Variants in ZNF451 observed in about 807,000 individuals in gnomAD.
ZNF451 encodes the protein zinc finger protein 451, also known as E3 SUMO-protein ligase ZNF451.
In ZNF451, 80 loss-of-function variants were observed where a neutral mutation model predicts 107.1. The observed-to-expected ratio is 0.75, with a 90% confidence interval of 0.62 to 0.90. The LOEUF (loss-of-function observed/expected upper bound fraction) is 0.90, where lower values mean the gene tolerates loss of function less well. ZNF451 is among the 40% of genes least tolerant of loss of function. The pLI, the probability that ZNF451 is intolerant of heterozygous loss-of-function variation, is 0.00. For missense variants in ZNF451, 1,107 were observed against 1,236.2 expected, an observed-to-expected ratio of 0.90 and a Z score of 1.57; for synonymous variants, 362 against 406.5, an observed-to-expected ratio of 0.89 and a Z score of 1.32.
chr6:57,116,063 C>T (rs1351492645), intron 3 of ZNF451: 1 of 152,100 alleles, frequency 6.6e-6, no homozygotes, highest in Non-Finnish European at 1.5e-5. Flanking sequence ...GGTCCAAAGA[C>T]CTAAGTGATA....
At chr6:57,133,969 C>G (rs1449479799) in intron 6 of ZNF451, among the ~76,000 whole-genome samples, 1 of 152,216 alleles carries the variant, frequency 6.6e-6, no homozygotes, top group East Asian at 1.9e-4. Flanking sequence ...AGCCACCGCG[C>G]TCGGCCAGTT....
intron 6 of ZNF451, 147 bp downstream of exon 6, chr6:57,133,339 AT>A: frequency 1.2e-6 from 1 of 847,500 alleles, no homozygotes. Context: ...TTATGATATA[AT>A]TTTTTCATAA....
intron 7 of ZNF451, among the ~76,000 whole-genome samples, chr6:57,136,896 C>G (rs112738778): frequency 9.9e-5 from 15 of 152,218 alleles, no homozygotes; most frequent in Non-Finnish European, 2.1e-4. Context: ...GATTTATGAC[C>G]TTCAGCGTTC....
chr6:57,108,320 GC>G, intron 3 of ZNF451: 1 of 985,340 alleles, frequency 1.0e-6, no homozygotes, highest in Non-Finnish European at 1.2e-6. Flanking sequence ...ACTGTTAAGG[GC>G]TACAGTTAGA....
At chr6:57,091,521 C>T (rs1829044568) in intron 2 of ZNF451, 3 of 151,694 alleles carry the variant, frequency 2.0e-5, no homozygotes, top group Admixed American at 2.0e-4. Flanking sequence ...CAGGCGGGGG[C>T]CTAGGAATCT....
At chr6:57,104,157 T>C (rs1829736847) in intron 3 of ZNF451, 2 of 985,240 alleles carry the variant, frequency 2.0e-6, no homozygotes, top group Non-Finnish European at 2.4e-6. Context: ...CAGTGTTCTC[T>C]ACAAAGTGTC....
In ZNF451 at chr6:57,168,775, C is replaced by G. The variant is rs1764013892; in HGVS notation, c.*306C>G. ...TTTAAAGGATTAAAAAAAAGGAAAG[C>G]TCTTGACAGTTGTTTCCCAAATAGC... On this transcript the variant is annotated 3_prime_UTR_variant, in exon 15 of 15. Transcript: ENST00000370706. 4.0e-6 allele frequency: 1 copy of G among 251,544 alleles called. No individual in the cohort carries two copies. Among genetic ancestry groups the G allele is most frequent in the East Asian group, 1.0e-4 (1 of 9,622 alleles). 15.6% of individuals were successfully genotyped at this position (251,544 alleles called of 1,614,324 possible).
intron 3 of ZNF451, chr6:57,105,832 T>C: frequency 1.0e-6 from 1 of 985,268 alleles, no homozygotes; most frequent in Non-Finnish European, 1.2e-6. Context: ...TGCTGACACT[T>C]TTATCTTTTT....
rs547169069 is a variant in ZNF451, at chr6:57,148,675, C to A, written c.2590C>A (p.Leu864Ile). 3.7e-6 allele frequency: 6 copies of A among 1,609,834 alleles called. No individual in the cohort carries two copies. The South Asian group carries it at 4.4e-5, about 12-fold the overall frequency. The change falls in exon 10 of 15, where the codon CTA (leucine) becomes ATA (isoleucine). Residue 864 changes from leucine (L) to isoleucine (I), a missense_variant. Around this residue, in one of 5 missense-constraint regions of ZNF451, gnomAD observed 608 missense variants for 649.2 expected, o/e 0.94. Coordinates refer to ENST00000370706, the MANE Select transcript of ZNF451 (RefSeq NM_001031623.3). ...CATGGAGAAAGGAGTTGAGAATGAC[C>A]TAAGCTATCAGAATATAGGTATGGC... The part of the protein sequence containing the change: ...LDMEKGVEND[L>I]SYQNIEEEIV...
intron 7 of ZNF451, among the ~76,000 whole-genome samples, chr6:57,135,530 A>G (rs1415307757): frequency 6.6e-6 from 1 of 152,124 alleles, no homozygotes; most frequent in Non-Finnish European, 1.5e-5. Context: ...ATTTTGATAT[A>G]TGTGTTTTTA....
chr6:57,143,538 T>C (rs1253083592), intron 9 of ZNF451, among the ~76,000 whole-genome samples: 4 of 152,224 alleles, frequency 2.6e-5, no homozygotes, highest in African/African-American at 4.8e-5. Flanking sequence ...TTGTTTTCAA[T>C]ATAAACATTT....
rs1391699495 is a variant in ZNF451, at chr6:57,107,829, T to C, written c.186+8688T>C. 18 of 980,066 alleles carry C rather than the reference T, an allele frequency of 1.8e-5. No homozygotes were observed. In the Admixed American group the frequency reaches 1.1e-3, roughly 61 times the overall value. The allele number at this position is 980,066 out of a possible 1,614,324, so 60.7% of individuals were successfully genotyped here. A position where few individuals can be genotyped will look rare whatever the true frequency, so the allele number is the denominator to read the frequency against. On this transcript the variant is annotated intron_variant, in intron 3 of 14. Transcript: ENST00000370706. ...TGGTAACGTGAAAGTAAATAGTTTATATTTGATGATTTTTTTTTTTTTTTT... is the reference window on the plus strand; with the variant it reads ...TGGTAACGTGAAAGTAAATAGTTTACATTTGATGATTTTTTTTTTTTTTTT...
chr6:57,118,724 A>T (rs907306818), intron 3 of ZNF451, among the ~76,000 whole-genome samples: 39 of 151,872 alleles, frequency 2.6e-4, no homozygotes, highest in African/African-American at 8.5e-4. Flanking sequence ...GCTCAAGTGA[A>T]CCTCCTGCCT....
chr6:57,153,247 G>C (rs368446801), intron 12 of ZNF451, among the ~76,000 whole-genome samples: 1 of 152,004 alleles, frequency 6.6e-6, no homozygotes, highest in Admixed American at 6.6e-5. Flanking sequence ...TATATTGAGC[G>C]TATAGCCCTT....
chr6:57,116,786 C>T (rs999634549), intron 3 of ZNF451: 6 of 152,048 alleles, frequency 3.9e-5, no homozygotes, highest in Non-Finnish European at 8.8e-5. Flanking sequence ...AGCCAGAGTT[C>T]CTTTTTTTCT....
At position 57,133,214 on chromosome 6, in the gene ZNF451, G is replaced by T. The variant is rs770651077; in HGVS notation, c.575+22G>T. ...AAAGGTAAGTAGGATATTCATAATA[G>T]TGAATGCTGAAGATCTAGTGAGCTA... On this transcript the variant is annotated intron_variant, in intron 6 of 14. Transcript: ENST00000370706. 3.7e-6 allele frequency: 6 copies of T among 1,602,892 alleles called. No individual in the cohort carries two copies. In the African/African-American group the frequency reaches 8.0e-5, roughly 21 times the overall value.
intron 3 of ZNF451, chr6:57,108,588 G>C: frequency 2.0e-6 from 2 of 985,276 alleles, no homozygotes; most frequent in Non-Finnish European, 2.4e-6. Flanking sequence ...TTTGCCTTCA[G>C]TAGAATATAG....
chr6:57,137,392 T>C (rs999291574), intron 7 of ZNF451, among the ~76,000 whole-genome samples: 1 of 152,190 alleles, frequency 6.6e-6, no homozygotes, highest in African/African-American at 2.4e-5. Flanking sequence ...CTAGGCCTTC[T>C]CAAACTTAAA....
chr6:57,166,309 G>A (rs908381014), intron 14 of ZNF451, among the ~76,000 whole-genome samples: 1 of 152,124 alleles, frequency 6.6e-6, no homozygotes, highest in East Asian at 1.9e-4. Context: ...ATTAAGACAT[G>A]AGCCACTGTG....
Sources: allele counts gnomAD v4.1 joint callset (sites outside exome capture counted in the v4.1 genomes callset), GRCh38; gene constraint gnomAD v4.1.1; regional missense constraint gnomAD v4.1.1; transcripts MANE v1.5; gene names NCBI Gene and HGNC (gene_info 2026-07-23, HGNC 2026-07-21).